AXDND1: variants seen among roughly 807,000 people sequenced by gnomAD.
The protein encoded by AXDND1 is axonemal dynein light chain domain-containing protein 1.
Under a neutral mutation model 137.5 loss-of-function variants are expected in AXDND1, and 110 were observed. The ratio of observed to expected loss-of-function variants is 0.80; its 90% confidence interval spans 0.69 to 0.94. AXDND1 has a LOEUF of 0.94. AXDND1 is among the 40% of genes least tolerant of loss of function. The pLI is 0.00. For missense variants in AXDND1, 1,191 were observed against 1,169.8 expected (o/e 1.02, Z -0.26); for synonymous variants, 414 against 399.7 (o/e 1.04, Z -0.43).
intron 9 of AXDND1, among the ~76,000 whole-genome samples, chr1:179,390,604 G>T (rs189789372): frequency 6.6e-6 from 1 of 152,184 alleles, no homozygotes; most frequent in Admixed American, 6.5e-5. Flanking sequence ...TAGTCTCAAA[G>T]AATTTATATC....
rs1265065488 is a variant in AXDND1, at chr1:179,483,211, T to A, written c.2081T>A (p.Leu694His). ...GAAATTAACAACGGTAACATTGAAC[T>A]TCAGCACCACGTATGTACTTGTAAG... is the stretch of plus-strand genomic sequence containing the variant. ...GNEINNGNIELQHHMDELHIS... is the reference protein window; with the variant it reads ...GNEINNGNIEHQHHMDELHIS... The change falls in exon 18 of 26, where the codon CTT becomes CAT. Residue 694 changes from leucine to histidine, a missense_variant. Leu to His is a moderately conservative substitution (Grantham distance 99). Transcript: ENST00000367618. 7 of 1,606,088 alleles carry A rather than the reference T, an allele frequency of 4.4e-6. No individual in the cohort carries two copies. Among genetic ancestry groups the A allele is most frequent in the South Asian group, 2.2e-5 (2 of 89,780 alleles).
At chr1:179,387,033 T>G (rs1649330704) in intron 9 of AXDND1, among the ~76,000 whole-genome samples, 1 of 152,202 alleles carries the variant, frequency 6.6e-6, no homozygotes, top group African/African-American at 2.4e-5. Flanking sequence ...ACTTAACTTT[T>G]TGAACATACA....
chr1:179,484,447 CT>C (rs1357191139), intron 18 of AXDND1, among the ~76,000 whole-genome samples: 1 of 152,146 alleles, frequency 6.6e-6, no homozygotes, highest in African/African-American at 2.4e-5. Flanking sequence ...ACCCCCCTGT[CT>C]TGTGGACTCT....
chr1:179,489,471 T>C (rs968689543), intron 18 of AXDND1, among the ~76,000 whole-genome samples: 1 of 152,168 alleles, frequency 6.6e-6, no homozygotes, highest in Non-Finnish European at 1.5e-5. Flanking sequence ...ATCTAGGCCA[T>C]TGGTATATGA....
At chr1:179,433,006 TTTTTGGGTCAAATTAAG>T (rs1657614542) in intron 15 of AXDND1, among the ~76,000 whole-genome samples, 1 of 152,100 alleles carries the variant, frequency 6.6e-6, no homozygotes, top group Non-Finnish European at 1.5e-5. Context: ...CTATTTCAGA[TTTTTGGGTCAAATTAAG>T]TTAGGCTGCT....
At chr1:179,466,529 A>G (rs1157853444) in intron 16 of AXDND1, among the ~76,000 whole-genome samples, 2 of 151,762 alleles carry the variant, frequency 1.3e-5, no homozygotes, top group African/African-American at 4.8e-5. Context: ...TAATTATTAT[A>G]TTTTTCAGTC....
intron 20 of AXDND1, among the ~76,000 whole-genome samples, chr1:179,493,682 G>T (rs141377963): frequency 1.3e-5 from 2 of 152,094 alleles, no homozygotes; most frequent in Admixed American, 6.5e-5. Flanking sequence ...ACAATAATTC[G>T]CTGTATATTT....
chr1:179,457,255 T>C (rs12740455), intron 16 of AXDND1: 107,184 of 694,920 alleles, frequency 0.15, 10,192 homozygotes, highest in East Asian at 0.36. Flanking sequence ...AGGCTCTCGT[T>C]GCTTGTTTCT....
chr1:179,480,764 A>G (rs1665268491), intron 17 of AXDND1, among the ~76,000 whole-genome samples: 1 of 151,822 alleles, frequency 6.6e-6, no homozygotes. Context: ...TCTTGCTCTC[A>G]AGAAGGTGCA....
At chr1:179,370,187 A>G (rs966120285) in intron 4 of AXDND1, 109 bp downstream of exon 4, 19 of 859,724 alleles carry the variant, frequency 2.2e-5, no homozygotes, top group Middle Eastern at 2.9e-4. Context: ...ATCATAGATG[A>G]TAAAATTTAC....
intron 11 of AXDND1, among the ~76,000 whole-genome samples, chr1:179,396,176 GA>G (rs71111985): frequency 0.015 from 1,642 of 106,014 alleles, 42 homozygotes; most frequent in East Asian, 0.096. Flanking sequence ...CCCATAAAAA[GA>G]AAAAAAAAAA....
intron 17 of AXDND1, among the ~76,000 whole-genome samples, chr1:179,470,007 A>G (rs1189554083): frequency 6.6e-6 from 1 of 152,138 alleles, no homozygotes; most frequent in Non-Finnish European, 1.5e-5. Context: ...TGTATATGGT[A>G]TGTGGTAAGG....
At chr1:179,428,030 A>G (rs976665989) in intron 12 of AXDND1, among the ~76,000 whole-genome samples, 1 of 152,222 alleles carries the variant, frequency 6.6e-6, no homozygotes, top group Admixed American at 6.5e-5. Context: ...ATGATTCTCA[A>G]AACAATGCTG....
rs536618176 is a variant in AXDND1 at position 179,535,569 on chromosome 1, C to A, written c.3031+607C>A. 3.2e-3 allele frequency among the ~76,000 whole-genome samples: 483 copies of A among 152,282 alleles called. 4 individuals carry two copies. The highest frequency in any genetic ancestry group is 0.024 in the Middle Eastern group (7 of 294). On this transcript the variant is annotated intron_variant, in intron 25 of 25. Transcript: ENST00000367618. ...GACATGAACTCATCCTTTTTTATGG[C>A]TGCATAGTATTCCATGGTGTATATG...
rs1332500537 is a variant in AXDND1, at chr1:179,468,650, C to T, written c.1997+9C>T. ...GATGTGGATTCTGTTTCGTAAGTTCCCATAGGTTTCTTTTGTTCTGAGATA... is the reference window on the plus strand; with the variant it reads ...GATGTGGATTCTGTTTCGTAAGTTCTCATAGGTTTCTTTTGTTCTGAGATA... On this transcript the variant is annotated intron_variant, in intron 17 of 25. Transcript: ENST00000367618. 1 of 1,577,164 alleles carries T rather than the reference C, an allele frequency of 6.3e-7. No homozygotes were observed. The highest frequency in any genetic ancestry group is 8.6e-7 in the Non-Finnish European group (1 of 1,166,014).
chr1:179,517,606 C>T (rs1369286797), intron 21 of AXDND1, among the ~76,000 whole-genome samples: 1 of 152,182 alleles, frequency 6.6e-6, no homozygotes, highest in African/African-American at 2.4e-5. Context: ...GGGGACCCTG[C>T]GAACTCCCAG....
chr1:179,472,415 G>C (rs1185060934), intron 17 of AXDND1, among the ~76,000 whole-genome samples: 1 of 152,140 alleles, frequency 6.6e-6, no homozygotes, highest in Non-Finnish European at 1.5e-5. Context: ...TTACAGCCTA[G>C]CATCTTGTCT....
At chr1:179,437,888 A>G (rs930595070) in intron 15 of AXDND1, among the ~76,000 whole-genome samples, 1 of 152,194 alleles carries the variant, frequency 6.6e-6, no homozygotes, top group East Asian at 1.9e-4. Flanking sequence ...ATTGTGGCTC[A>G]TGCCTGTAAT....
At chr1:179,387,909 A>T (rs1396201766) in intron 9 of AXDND1, among the ~76,000 whole-genome samples, 1 of 152,150 alleles carries the variant, frequency 6.6e-6, no homozygotes, top group Non-Finnish European at 1.5e-5. Context: ...CCTGATCAGT[A>T]CTTAGCTGAA....
Sources: allele counts gnomAD v4.1 joint callset (sites outside exome capture counted in the v4.1 genomes callset), GRCh38; gene constraint gnomAD v4.1.1; transcripts MANE v1.5; gene names NCBI Gene and HGNC (gene_info 2026-07-23, HGNC 2026-07-21).